The following BAZ2A variants were observed in gnomAD, a reference collection of about 807,000 sequenced individuals.
BAZ2A encodes the protein bromodomain adjacent to zinc finger domain 2A.
Under a neutral mutation model 199.9 loss-of-function variants are expected in BAZ2A, and 34 were observed. The ratio of observed to expected loss-of-function variants is 0.17; its 90% CI spans 0.13 to 0.23. The LOEUF (loss-of-function observed/expected upper bound fraction) is 0.23. Ranked by LOEUF, BAZ2A falls within the 10% of genes least tolerant of loss-of-function variation. The pLI, the probability that BAZ2A is intolerant of heterozygous loss-of-function variation, is 1.00. For synonymous variants in BAZ2A, 857 were observed against 883.9 expected (o/e 0.97, Z 0.54); for missense variants, 2,002 against 2,391.1 (o/e 0.84, Z 3.39).
rs1244341525 is a variant in BAZ2A at position 56,601,374 on chromosome 12, C to T, written c.4100G>A (p.Cys1367Tyr). ...PMNRPSAANP[C>Y]SPVQFSSTPL... ...CGTGGAAGAGAACTGCACTGGAGAA[C>T]AAGGGTTGGCAGCACTAGGTCTATT... The change falls in exon 21 of 29, where the codon TGT (cysteine) becomes TAT (tyrosine). Residue 1367 changes from cysteine to tyrosine, a missense_variant. By Grantham distance (194) the Cys-to-Tyr change is radical (BLOSUM62 -2). Coordinates refer to ENST00000549884, the MANE Select transcript of BAZ2A (RefSeq NM_001300905.2). 3 of 1,613,714 alleles carry T rather than the reference C, an allele frequency of 1.9e-6. No individual in the cohort carries two copies. Among genetic ancestry groups the T allele is most frequent in the African/African-American group, 2.7e-5 (2 of 74,940 alleles).
intron 1 of BAZ2A, chr12:56,636,162 G>T: frequency 6.3e-7 from 1 of 1,588,986 alleles, no homozygotes. Flanking sequence ...GCCTTCCCCG[G>T]GGCTGGTCCC....
chr12:56,634,802 T>C (rs1951406832), upstream of BAZ2A: 2 of 706,584 alleles, frequency 2.8e-6, no homozygotes, highest in East Asian at 1.3e-4. Flanking sequence ...GGCGAGTAGA[T>C]AGTTCAGGGG....
At chr12:56,625,150 ATTTCT>A (rs1951042073) in intron 1 of BAZ2A, among the ~76,000 whole-genome samples, 1 of 137,256 alleles carries the variant, frequency 7.3e-6, no homozygotes, top group African/African-American at 2.8e-5. Flanking sequence ...GTTTCTTAGA[ATTTCT>A]TTTTTTTTTT....
At chr12:56,634,981 G>A (rs1419419359), upstream of BAZ2A, 1 of 984,738 alleles carries the variant, frequency 1.0e-6, no homozygotes, top group African/African-American at 1.8e-5. Flanking sequence ...CGGCGGCGGC[G>A]GCAGAGGCGC....
chr12:56,599,989 G>A lies in BAZ2A; in HGVS notation c.5000C>T (p.Ala1667Val). 6.2e-7 allele frequency: 1 copy of A among 1,614,012 alleles called. No homozygotes were observed. The highest frequency in any genetic ancestry group is 8.5e-7 in the Non-Finnish European group (1 of 1,179,894). Residue 1667 changes from alanine (A) to valine (V), a missense_variant, in exon 25 of 29, where the codon GCC becomes GTC. By Grantham distance (64) the Ala-to-Val change is moderately conservative (BLOSUM62 0). Coordinates refer to ENST00000549884, the MANE Select transcript of BAZ2A (RefSeq NM_001300905.2). ...CACTTTGTTGACAGACTTCTCCCAG[G>A]CAATGGACCTCTCCAGCTGGCCCAG... ...LCLGQLERSIAWEKSVNKVTC... is the reference protein window; with the variant it reads ...LCLGQLERSIVWEKSVNKVTC...
At position 56,610,557 on chromosome 12, in the gene BAZ2A, C is replaced by T. The variant is rs573112523; in HGVS notation, c.1671-40G>A. 1.3e-5 allele frequency: 20 copies of T among 1,571,828 alleles called. No individual in the cohort carries two copies. In the East Asian group the frequency reaches 2.3e-4, roughly 18 times the overall value. On this transcript the variant is annotated intron_variant, in intron 7 of 28. Coordinates refer to ENST00000549884, the MANE Select transcript of BAZ2A (RefSeq NM_001300905.2). ...CATGGGCCCTGCCGCCAGGTCACAC[C>T]CCTACCCACTCCCATGCCACCTAAG... is the stretch of plus-strand genomic sequence containing the variant.
chr12:56,620,144 C>T (rs1286705607), intron 1 of BAZ2A, among the ~76,000 whole-genome samples: 2 of 150,186 alleles, frequency 1.3e-5, no homozygotes, highest in African/African-American at 4.9e-5. Flanking sequence ...ATAAAATACA[C>T]TAATGAGAGC....
intron 5 of BAZ2A, among the ~76,000 whole-genome samples, chr12:56,612,653 T>G (rs981513876): frequency 2.6e-5 from 4 of 152,166 alleles, no homozygotes; most frequent in Non-Finnish European, 5.9e-5. Flanking sequence ...GATGGAGTCT[T>G]GCTCTGTTGC....
At chr12:56,625,134 C>T (rs1330891723) in intron 1 of BAZ2A, among the ~76,000 whole-genome samples, 2 of 147,712 alleles carry the variant, frequency 1.4e-5, no homozygotes, top group East Asian at 3.9e-4. Flanking sequence ...TCTTTCAGCT[C>T]TGATTGTTTC....
intron 19 of BAZ2A, 89 bp downstream of exon 19, chr12:56,602,624 T>G (rs1950215132): frequency 6.0e-6 from 9 of 1,496,062 alleles, no homozygotes; most frequent in Middle Eastern, 3.5e-4. Context: ...TATCAGAAAA[T>G]GAAAGAAGCC....
rs1332859007 is a variant in BAZ2A, at chr12:56,601,043, G to A, written c.4350C>T (p.Leu1450=). 2.5e-6 allele frequency: 4 copies of A among 1,611,064 alleles called. No homozygotes were observed. The highest frequency in any genetic ancestry group is 2.2e-5 in the East Asian group (1 of 44,772). Residue 1450 remains leucine, a synonymous_variant, in exon 22 of 29, where the codon CTC becomes CTT. Coordinates refer to ENST00000549884, the MANE Select transcript of BAZ2A (RefSeq NM_001300905.2). Reference sequence around the variant, plus strand: ...GGATACCTCGGGGGTGTAGGGCCTTGAGCATGGCATCCAACATCTCAGGAT... The same window carrying A: ...GGATACCTCGGGGGTGTAGGGCCTTAAGCATGGCATCCAACATCTCAGGAT... ...IRDPEMLDAM[L]KALHPRGIRE...
intron 1 of BAZ2A, among the ~76,000 whole-genome samples, chr12:56,621,839 C>A (rs1293945831): frequency 1.3e-5 from 2 of 152,012 alleles, no homozygotes; most frequent in East Asian, 1.9e-4. Flanking sequence ...CAGGTGCTCA[C>A]CACCACACCT....
At chr12:56,630,046 G>A (rs1222732776) in intron 1 of BAZ2A, 79 bp downstream of exon 1, 3 of 907,708 alleles carry the variant, frequency 3.3e-6, no homozygotes, top group East Asian at 2.4e-4. Flanking sequence ...CGGCTCTGGA[G>A]CTTCTGTTCC....
At position 56,604,301 on chromosome 12, in the gene BAZ2A, A is replaced by G; in HGVS notation, c.2964-10T>C. ...AGTCTTGTCAATCTCACTGCAGGGG[A>G]ATAGGGAATAGGATGAAGTGGCAGC... On this transcript the variant is annotated splice_polypyrimidine_tract_variant and intron_variant, in intron 15 of 28. Transcript: ENST00000549884. 6.2e-7 allele frequency: 1 copy of G among 1,602,150 alleles called. No individual in the cohort carries two copies. Among genetic ancestry groups the G allele is most frequent in the Non-Finnish European group, 8.5e-7 (1 of 1,173,218 alleles).
upstream of BAZ2A, chr12:56,636,374 C>T (rs914584295): frequency 2.2e-6 from 3 of 1,343,608 alleles, no homozygotes; most frequent in Middle Eastern, 2.0e-4. Context: ...CCCTGTGTGA[C>T]AGACTGGGGT....
chr12:56,601,850 C>T lies in BAZ2A; in HGVS notation c.3767G>A (p.Gly1256Asp). The change falls in exon 20 of 29, where the codon GGT becomes GAT. Residue 1256 changes from glycine to aspartate, a missense_variant. Coordinates refer to ENST00000549884, the MANE Select transcript of BAZ2A (RefSeq NM_001300905.2). The stretch of plus-strand genomic sequence containing the variant: ...CTGGCTGAGGTCATGCTGGCTCTGA[C>T]CCAGTGACAAAGGGGAGCCTTCTTG... ...LEQEGSPLSLGQSQHDLSQSA... is the reference protein window; with the variant it reads ...LEQEGSPLSLDQSQHDLSQSA... The T allele has an allele frequency of 6.2e-7, 1 of 1,613,956 alleles. No homozygotes were observed. Among genetic ancestry groups the T allele is most frequent in the Non-Finnish European group, 8.5e-7 (1 of 1,179,882 alleles).
intron 7 of BAZ2A, chr12:56,611,235 C>T (rs1318837479): frequency 5.1e-6 from 2 of 393,922 alleles, no homozygotes; most frequent in Non-Finnish European, 9.2e-6. Context: ...AGTCACTCCT[C>T]ATTCATTACT....
In BAZ2A at chr12:56,606,243, C is replaced by T; in HGVS notation, c.2259+4G>A. 1 of 1,614,012 alleles carries T rather than the reference C, an allele frequency of 6.2e-7. No individual in the cohort carries two copies. ...ATACTTGGCAAGTTTGTACATGCAC[C>T]TACCTTGGATTTCTTCTTAGCTTCC... On this transcript the variant is annotated splice_donor_region_variant and intron_variant, in intron 12 of 28. Coordinates refer to ENST00000549884, the MANE Select transcript of BAZ2A (RefSeq NM_001300905.2).
At chr12:56,634,034 C>T (rs1038141382), upstream of BAZ2A, among the ~76,000 whole-genome samples, 3 of 152,208 alleles carry the variant, frequency 2.0e-5, no homozygotes, top group Non-Finnish European at 4.4e-5. Context: ...ACCCGGCCCC[C>T]TTCTCCCCTT....
Sources: gnomAD v4.1 joint callset for allele counts (sites outside exome capture counted in the v4.1 genomes callset) on GRCh38, gnomAD v4.1.1 for gene constraint, MANE v1.5 for transcripts, NCBI Gene and HGNC (gene_info 2026-07-23, HGNC 2026-07-21) for gene names.